Variants in PPP3CA observed in about 807,000 individuals in gnomAD.
PPP3CA encodes protein phosphatase 3 catalytic subunit alpha, also known as CAM-PRP catalytic subunit.
In PPP3CA, 14 loss-of-function variants were observed where a neutral mutation model predicts 66.5. The ratio of observed to expected loss-of-function variants is 0.21; its 90% CI spans 0.14 to 0.33. PPP3CA has a LOEUF of 0.33. Ranked by LOEUF, PPP3CA falls within the 10% of genes least tolerant of loss-of-function variation. The pLI is 1.00. For missense variants in PPP3CA, 317 were observed against 639.5 expected, an observed-to-expected ratio of 0.50 and a Z score of 5.44; for synonymous variants, 232 against 226.2, an observed-to-expected ratio of 1.03 and a Z score of -0.23.
chr4:101,202,868 C>T (rs1390252084), intron 1 of PPP3CA, among the ~76,000 whole-genome samples: 1 of 152,108 alleles, frequency 6.6e-6, no homozygotes, highest in African/African-American at 2.4e-5. Context: ...TTGTCAGAAA[C>T]CTCCTTACTC....
At chr4:101,345,694 G>A (rs186411137) in intron 1 of PPP3CA, among the ~76,000 whole-genome samples, 1 of 152,162 alleles carries the variant, frequency 6.6e-6, no homozygotes, top group Non-Finnish European at 1.5e-5. Context: ...AGATTCCCGT[G>A]CGACAGAGTG....
intron 1 of PPP3CA, among the ~76,000 whole-genome samples, chr4:101,312,713 AT>A (rs1385971782): frequency 6.6e-6 from 1 of 152,182 alleles, no homozygotes; most frequent in Non-Finnish European, 1.5e-5. Flanking sequence ...ATCTTTAATT[AT>A]TAATTTTTTA....
rs762659519 is a variant in PPP3CA at position 101,099,597 on chromosome 4, T to G, written c.496+14A>C. Reference sequence around the variant, plus strand: ...ACATATAGTGTTAAAGGAAGGAGGTTGAAGTATACTTACATTCTTGTTTAA... The same window carrying G: ...ACATATAGTGTTAAAGGAAGGAGGTGGAAGTATACTTACATTCTTGTTTAA... On this transcript the variant is annotated intron_variant, in intron 4 of 13. Coordinates refer to ENST00000394854, the MANE Select transcript of PPP3CA (RefSeq NM_000944.5). 1.0e-5 allele frequency: 15 copies of G among 1,468,226 alleles called. No homozygotes were observed. Among genetic ancestry groups the G allele is most frequent in the Non-Finnish European group, 9.4e-7 (1 of 1,063,090 alleles). The allele number at this position is 1,468,226 out of a possible 1,614,324, so 90.9% of individuals were successfully genotyped here.
In PPP3CA at chr4:101,098,528, A is replaced by C. The variant is rs749850855; in HGVS notation, c.497-16T>G. On this transcript the variant is annotated splice_polypyrimidine_tract_variant and intron_variant, in intron 4 of 13. Coordinates refer to ENST00000394854, the MANE Select transcript of PPP3CA (RefSeq NM_000944.5). ...TTTATTTTACCTTTTAGAAGTGATT[A>C]AAAGAATACTTATGATTTATAGGCA... 3.2e-6 allele frequency: 5 copies of C among 1,576,752 alleles called. No homozygotes were observed. In the African/African-American group the frequency reaches 6.9e-5, roughly 22 times the overall value.
intron 2 of PPP3CA, among the ~76,000 whole-genome samples, chr4:101,111,627 T>C (rs1459776126): frequency 1.3e-5 from 2 of 151,966 alleles, no homozygotes; most frequent in Non-Finnish European, 2.9e-5. Flanking sequence ...GCCTAGTCTC[T>C]GGATCCACAC....
At chr4:101,202,478 GTTTA>G (rs1388405732) in intron 1 of PPP3CA, among the ~76,000 whole-genome samples, 7 of 152,138 alleles carry the variant, frequency 4.6e-5, no homozygotes, top group Non-Finnish European at 8.8e-5. Context: ...GGGGATATGT[GTTTA>G]TTTATGCACA....
At chr4:101,141,582 T>C (rs761279380) in intron 2 of PPP3CA, among the ~76,000 whole-genome samples, 23 of 152,118 alleles carry the variant, frequency 1.5e-4, no homozygotes, top group Admixed American at 1.3e-4. Context: ...TGTCCTCTGC[T>C]CTCCTCTTTA....
At chr4:101,158,338 T>C (rs918753056) in intron 2 of PPP3CA, 1 of 152,168 alleles carries the variant, frequency 6.6e-6, no homozygotes, top group African/African-American at 2.4e-5. Flanking sequence ...TATGCAAAAA[T>C]AGTTATTTCA....
intron 2 of PPP3CA, among the ~76,000 whole-genome samples, chr4:101,122,418 G>A (rs1270087511): frequency 6.6e-6 from 1 of 152,160 alleles, no homozygotes; most frequent in African/African-American, 2.4e-5. Flanking sequence ...GTACATGTGT[G>A]CATATGTGCA....
chr4:101,119,567 T>A (rs549063123), intron 2 of PPP3CA, among the ~76,000 whole-genome samples: 1 of 151,976 alleles, frequency 6.6e-6, no homozygotes, highest in African/African-American at 2.4e-5. Context: ...GAAAACTCAG[T>A]TAAGGAAAAT....
At chr4:101,345,686 A>T (rs1729960317) in intron 1 of PPP3CA, among the ~76,000 whole-genome samples, 1 of 152,134 alleles carries the variant, frequency 6.6e-6, no homozygotes, top group African/African-American at 2.4e-5. Context: ...AGGCCGATAG[A>T]TTCCCGTGCG....
At chr4:101,104,158 A>G (rs537159517) in intron 3 of PPP3CA, among the ~76,000 whole-genome samples, 1 of 152,314 alleles carries the variant, frequency 6.6e-6, no homozygotes, top group South Asian at 2.1e-4. Context: ...TGACTTGGTA[A>G]AAATTAAACT....
At chr4:101,110,803 C>T (rs1397769372) in intron 2 of PPP3CA, among the ~76,000 whole-genome samples, 1 of 152,086 alleles carries the variant, frequency 6.6e-6, no homozygotes, top group East Asian at 1.9e-4. Flanking sequence ...AAATAGAGAA[C>T]ACTGGATGGG....
chr4:101,175,111 T>C (rs910003077), intron 2 of PPP3CA, among the ~76,000 whole-genome samples: 2 of 151,856 alleles, frequency 1.3e-5, no homozygotes, highest in African/African-American at 4.8e-5. Flanking sequence ...TGAAAACAAA[T>C]CCTAAAACAA....
intron 1 of PPP3CA, among the ~76,000 whole-genome samples, chr4:101,230,816 A>C (rs1725937691): frequency 6.6e-6 from 1 of 151,698 alleles, no homozygotes; most frequent in Non-Finnish European, 1.5e-5. Context: ...CCACTCCTAC[A>C]TCATACCTCT....
rs138603643 is a variant in PPP3CA at position 101,129,048 on chromosome 4, T to A, written c.260-19970A>T. Among the ~76,000 whole-genome samples the A allele has an allele frequency of 2.0e-3, 302 of 152,282 alleles. 4 individuals are homozygous for A. The highest frequency in any genetic ancestry group is 6.9e-3 in the African/African-American group (288 of 41,562). On this transcript the variant is annotated intron_variant, in intron 2 of 13. Coordinates refer to ENST00000394854, the MANE Select transcript of PPP3CA (RefSeq NM_000944.5). ...CAGTCTGAAGTTGACCTGGGACTTTTGAGCTTGGTGTGGTGAGGGACATCT... is the reference window on the plus strand; with the variant it reads ...CAGTCTGAAGTTGACCTGGGACTTTAGAGCTTGGTGTGGTGAGGGACATCT...
intron 1 of PPP3CA, among the ~76,000 whole-genome samples, chr4:101,293,400 A>T (rs1728094474): frequency 6.6e-6 from 1 of 152,214 alleles, no homozygotes; most frequent in African/African-American, 2.4e-5. Context: ...TCAGACTTTA[A>T]AGGAATACCA....
chr4:101,259,242 T>C (rs976588049), intron 1 of PPP3CA, among the ~76,000 whole-genome samples: 5 of 152,160 alleles, frequency 3.3e-5, no homozygotes, highest in Non-Finnish European at 5.9e-5. Flanking sequence ...AGTCAGAACA[T>C]GGGTCATGAA....
rs567312084 is a variant in PPP3CA, at chr4:101,206,350, T to C, written c.59-10234A>G. On this transcript the variant is annotated intron_variant, in intron 1 of 13. Coordinates refer to ENST00000394854, the MANE Select transcript of PPP3CA (RefSeq NM_000944.5). ...TTCATTTATCTTTAAAGTGAACTTG[T>C]CAATTTTGGTTTAAAAATCAAACAT... Among the ~76,000 whole-genome samples, 4 of 152,338 alleles carry C rather than the reference T, an allele frequency of 2.6e-5. No individual in the cohort carries two copies. The South Asian group carries it at 8.3e-4, about 32-fold the overall frequency.
Sources: gnomAD v4.1 joint callset for allele counts (sites outside exome capture counted in the v4.1 genomes callset) on GRCh38, gnomAD v4.1.1 for gene constraint, MANE v1.5 for transcripts, NCBI Gene and HGNC (gene_info 2026-07-23, HGNC 2026-07-21) for gene names.